MLLT3: variants seen among roughly 807,000 people sequenced by gnomAD.
MLLT3 encodes protein AF-9.
Under a neutral mutation model 53.2 loss-of-function variants are expected in MLLT3, and 4 were observed. The ratio of observed to expected loss-of-function variants is 0.08; its 90% CI spans 0.04 to 0.17. The LOEUF (loss-of-function observed/expected upper bound fraction) is 0.17, where lower values mean the gene tolerates loss of function less well. Among genes scored for constraint, MLLT3 ranks in the 10% least tolerant of loss-of-function variants. MLLT3 has a pLI of 1.00. For missense variants in MLLT3, 569 were observed against 684.0 expected, an observed-to-expected ratio of 0.83 and a Z score of 1.87; for synonymous variants, 283 against 230.6, an observed-to-expected ratio of 1.23 and a Z score of -2.06.
At chr9:20,540,116 G>A (rs2119009915) in intron 2 of MLLT3, among the ~76,000 whole-genome samples, 1 of 152,342 alleles carries the variant, frequency 6.6e-6, no homozygotes, top group East Asian at 1.9e-4. Flanking sequence ...CTGATGCAAG[G>A]GCTGGGCTCC....
At chr9:20,424,511 C>T (rs4977255) in intron 4 of MLLT3, among the ~76,000 whole-genome samples, 19 of 152,004 alleles carry the variant, frequency 1.2e-4, no homozygotes, top group Middle Eastern at 3.2e-3. Context: ...AAGGATGAGG[C>T]GGGAGAGGTC....
At chr9:20,358,810 T>A (rs1424788977) in intron 8 of MLLT3, among the ~76,000 whole-genome samples, 2 of 152,162 alleles carry the variant, frequency 1.3e-5, no homozygotes, top group Non-Finnish European at 2.9e-5. Context: ...GTAGCTCTCA[T>A]ATACCACCCA....
At chr9:20,417,781 TA>T (rs1822908212) in intron 4 of MLLT3, among the ~76,000 whole-genome samples, 1 of 152,236 alleles carries the variant, frequency 6.6e-6, no homozygotes, top group African/African-American at 2.4e-5. Flanking sequence ...CTTTAATGTT[TA>T]ATCTCTTCTA....
intron 3 of MLLT3, among the ~76,000 whole-genome samples, chr9:20,450,657 A>T (rs534566511): frequency 1.3e-5 from 2 of 152,140 alleles, no homozygotes; most frequent in African/African-American, 2.4e-5. Context: ...ATGCAAACTC[A>T]TTATTCAAGA....
At chr9:20,361,502 C>T (rs1428969049) in intron 7 of MLLT3, among the ~76,000 whole-genome samples, 1 of 152,204 alleles carries the variant, frequency 6.6e-6, no homozygotes, top group Non-Finnish European at 1.5e-5. Context: ...ATCATTTCTA[C>T]TGTGTCATTA....
chr9:20,518,694 T>C (rs1254381093), intron 2 of MLLT3, among the ~76,000 whole-genome samples: 1 of 152,208 alleles, frequency 6.6e-6, no homozygotes, highest in Non-Finnish European at 1.5e-5. Flanking sequence ...CCTGAGGTGA[T>C]GGAATGAATG....
At chr9:20,558,812 T>C (rs574263298) in intron 2 of MLLT3, among the ~76,000 whole-genome samples, 1 of 152,366 alleles carries the variant, frequency 6.6e-6, no homozygotes, top group South Asian at 2.1e-4. Flanking sequence ...ACTGTTGGCA[T>C]CATTTGCATC....
intron 5 of MLLT3, among the ~76,000 whole-genome samples, chr9:20,394,278 T>G (rs932275569): frequency 6.6e-6 from 1 of 152,040 alleles, no homozygotes; most frequent in Admixed American, 6.6e-5. Flanking sequence ...TATTTGCCAC[T>G]TACGGAGGCA....
At chr9:20,396,971 T>A (rs930448947) in intron 5 of MLLT3, among the ~76,000 whole-genome samples, 13 of 152,190 alleles carry the variant, frequency 8.5e-5, no homozygotes, top group Non-Finnish European at 1.5e-4. Flanking sequence ...TTAAATATTT[T>A]GCTTTAACTG....
chr9:20,491,802 T>G (rs569514781), intron 2 of MLLT3, among the ~76,000 whole-genome samples: 1 of 152,144 alleles, frequency 6.6e-6, no homozygotes, highest in Non-Finnish European at 1.5e-5. Flanking sequence ...TGCTGATGTT[T>G]TCTTGTGTGA....
chr9:20,446,001 T>C (rs1823687187), intron 4 of MLLT3, among the ~76,000 whole-genome samples: 1 of 152,208 alleles, frequency 6.6e-6, no homozygotes, highest in Non-Finnish European at 1.5e-5. Context: ...ATCAATAATA[T>C]AAGGCAGTCA....
intron 2 of MLLT3, among the ~76,000 whole-genome samples, chr9:20,501,757 CAAAAAAA>C (rs936828819): frequency 1.1e-4 from 2 of 18,580 alleles, no homozygotes; most frequent in African/African-American, 2.0e-4. Context: ...GACTCCGTCT[CAAAAAAA>C]AAAAAAAAAA....
intron 2 of MLLT3, among the ~76,000 whole-genome samples, chr9:20,561,088 G>A (rs1334195474): frequency 2.0e-5 from 3 of 152,162 alleles, no homozygotes; most frequent in Non-Finnish European, 4.4e-5. Flanking sequence ...TTGTGTGTGT[G>A]TGTGCTGCCT....
At position 20,343,914 on chromosome 9, in the gene MLLT3, G is replaced by T. The variant is rs761385684; in HGVS notation, c.*2529C>A. On this transcript the variant is annotated 3_prime_UTR_variant, in exon 11 of 11. Coordinates refer to ENST00000380338, the MANE Select transcript of MLLT3 (RefSeq NM_004529.4). ...TAAAACTACTTGAAATTAATTCAAA[G>T]GGATCTTTTTATTTCTGTATTTAAA... 1.5e-5 allele frequency: 3 copies of T among 203,308 alleles called. No individual in the cohort carries two copies. The highest frequency in any genetic ancestry group is 3.0e-5 in the Non-Finnish European group (3 of 99,316). 12.6% of individuals were successfully genotyped at this position (203,308 alleles called of 1,614,324 possible).
intron 5 of MLLT3, among the ~76,000 whole-genome samples, chr9:20,396,136 C>A (rs1388092435): frequency 1.3e-5 from 2 of 151,142 alleles, no homozygotes; most frequent in Non-Finnish European, 2.9e-5. Context: ...GGATAAAATG[C>A]CTACTATAAA....
At chr9:20,395,424 AC>A (rs1182815843) in intron 5 of MLLT3, among the ~76,000 whole-genome samples, 4 of 152,172 alleles carry the variant, frequency 2.6e-5, no homozygotes, top group Non-Finnish European at 4.4e-5. Context: ...AAATATTCCT[AC>A]ATATTCATAA....
At chr9:20,556,152 TA>T (rs1176641263) in intron 2 of MLLT3, among the ~76,000 whole-genome samples, 1 of 152,234 alleles carries the variant, frequency 6.6e-6, no homozygotes, top group Admixed American at 6.5e-5. Flanking sequence ...GATGAATGTA[TA>T]AACAGAAATA....
chr9:20,622,173 T>A (rs1385555635), intron 1 of MLLT3, 72 bp downstream of exon 1: 2 of 1,480,962 alleles, frequency 1.4e-6, no homozygotes, highest in Admixed American at 3.5e-5. Flanking sequence ...TGGCGCTGTC[T>A]GGGCTGCGGC....
chr9:20,519,885 G>C (rs906931224), intron 2 of MLLT3, among the ~76,000 whole-genome samples: 2 of 152,098 alleles, frequency 1.3e-5, no homozygotes, highest in African/African-American at 4.8e-5. Context: ...CTATTATAAA[G>C]ACACATACAT....
Sources: gnomAD v4.1 joint callset for allele counts (sites outside exome capture counted in the v4.1 genomes callset) on GRCh38, gnomAD v4.1.1 for gene constraint, MANE v1.5 for transcripts, NCBI Gene and HGNC (gene_info 2026-07-23, HGNC 2026-07-21) for gene names.